The following LRFN5 variants were observed in gnomAD, a reference collection of about 807,000 sequenced individuals.
LRFN5 encodes leucine rich repeat and fibronectin type III domain containing 5.
A neutral mutation model predicts 45.6 loss-of-function variants in LRFN5; 24 were observed. The ratio of observed to expected loss-of-function variants is 0.53; its 90% CI spans 0.38 to 0.74. The LOEUF (loss-of-function observed/expected upper bound fraction) is 0.74. LRFN5 is among the 30% of genes least tolerant of loss of function. The pLI is 0.00. For missense variants in LRFN5, 776 were observed against 861.5 expected (o/e 0.90, Z 1.24); for synonymous variants, 340 against 313.8 (o/e 1.08, Z -0.88).
chr14:41,880,606 A>T (rs1890346207), intron 2 of LRFN5, among the ~76,000 whole-genome samples: 1 of 152,140 alleles, frequency 6.6e-6, no homozygotes, highest in East Asian at 1.9e-4. Context: ...TATTTATTGA[A>T]GTTGCATTTT....
intron 1 of LRFN5, among the ~76,000 whole-genome samples, chr14:41,633,757 T>A (rs541610334): frequency 6.6e-6 from 1 of 152,102 alleles, no homozygotes; most frequent in Non-Finnish European, 1.5e-5. Flanking sequence ...AGTTAGAAAA[T>A]TTTAAAAAAC....
At chr14:41,625,982 G>A (rs1290735968) in intron 1 of LRFN5, among the ~76,000 whole-genome samples, 2 of 152,070 alleles carry the variant, frequency 1.3e-5, no homozygotes, top group African/African-American at 2.4e-5. Context: ...AGAAACATAC[G>A]TAGACACACA....
At chr14:41,652,179 T>C (rs909029610) in intron 1 of LRFN5, among the ~76,000 whole-genome samples, 1 of 152,090 alleles carries the variant, frequency 6.6e-6, no homozygotes, top group Non-Finnish European at 1.5e-5. Context: ...TTTTAATATA[T>C]TCAATTAAAT....
rs1890429900 is a variant in LRFN5 at position 41,882,851 on chromosome 14, T to TTC, written c.-20-3754_-20-3753insCT. 2.7e-5 allele frequency among the ~76,000 whole-genome samples: 4 copies of TTC among 146,248 alleles called. No homozygotes were observed. The Admixed American group carries it at 2.7e-4, about 10-fold the overall frequency. On this transcript the variant is annotated intron_variant, in intron 2 of 5. Coordinates refer to ENST00000298119, the MANE Select transcript of LRFN5 (RefSeq NM_152447.5). Reference sequence around the variant, plus strand: ...GCAACAGCTATGTATTTCCTCTTTTTTTTTTTTTTTTTTTTGAGATGGATT... The same window carrying TTC: ...GCAACAGCTATGTATTTCCTCTTTTTTCTTTTTTTTTTTTTTTGAGATGGATT...
At chr14:41,823,022 A>G (rs1220120842) in intron 2 of LRFN5, among the ~76,000 whole-genome samples, 1 of 151,752 alleles carries the variant, frequency 6.6e-6, no homozygotes, top group Non-Finnish European at 1.5e-5. Context: ...CCGAGTCTAT[A>G]AGTGTCATTA....
chr14:41,741,399 A>T (rs1439534759), intron 1 of LRFN5, among the ~76,000 whole-genome samples: 2 of 151,776 alleles, frequency 1.3e-5, no homozygotes, highest in Non-Finnish European at 2.9e-5. Flanking sequence ...AGCAAACCTG[A>T]CTATTTAAGG....
chr14:41,858,778 AT>A (rs1889561486), intron 2 of LRFN5, among the ~76,000 whole-genome samples: 1 of 152,158 alleles, frequency 6.6e-6, no homozygotes, highest in Admixed American at 6.5e-5. Context: ...CACAAAAAAA[AT>A]CATGATTAAC....
At chr14:41,815,260 C>A (rs1433268049) in intron 2 of LRFN5, among the ~76,000 whole-genome samples, 2 of 152,110 alleles carry the variant, frequency 1.3e-5, no homozygotes, top group Non-Finnish European at 2.9e-5. Context: ...TTATATTTTT[C>A]ATGGAGAATT....
intron 1 of LRFN5, among the ~76,000 whole-genome samples, chr14:41,711,949 T>C (rs1883302235): frequency 6.6e-6 from 1 of 152,148 alleles, no homozygotes; most frequent in Non-Finnish European, 1.5e-5. Flanking sequence ...AAAATTGCCA[T>C]GAGGATTAGG....
chr14:41,658,099 T>C (rs961062932), intron 1 of LRFN5, among the ~76,000 whole-genome samples: 5 of 152,024 alleles, frequency 3.3e-5, no homozygotes, highest in Admixed American at 2.6e-4. Context: ...ATATGATTTT[T>C]TTGAAGGTCA....
At chr14:41,627,684 C>T (rs949054456) in intron 1 of LRFN5, among the ~76,000 whole-genome samples, 7 of 152,064 alleles carry the variant, frequency 4.6e-5, no homozygotes, top group Non-Finnish European at 1.0e-4. Context: ...ATATAGATAT[C>T]TCTATGTTAA....
intron 2 of LRFN5, among the ~76,000 whole-genome samples, chr14:41,825,399 G>A (rs1888260197): frequency 6.6e-6 from 1 of 152,224 alleles, no homozygotes; most frequent in South Asian, 2.1e-4. Flanking sequence ...TCATGTCTCT[G>A]CTGGAAGGAG....
intron 1 of LRFN5, among the ~76,000 whole-genome samples, chr14:41,651,197 A>T (rs1880109401): frequency 6.6e-6 from 1 of 152,256 alleles, no homozygotes; most frequent in Admixed American, 6.5e-5. Context: ...CAGCACTCTC[A>T]TGGATTTTTA....
intron 1 of LRFN5, among the ~76,000 whole-genome samples, chr14:41,616,652 T>C (rs1887934278): frequency 6.6e-6 from 1 of 152,182 alleles, no homozygotes; most frequent in Non-Finnish European, 1.5e-5. Context: ...TAAACTTACT[T>C]GACTAAGTAT....
At chr14:41,814,910 G>T (rs999476562) in intron 2 of LRFN5, among the ~76,000 whole-genome samples, 1 of 152,030 alleles carries the variant, frequency 6.6e-6, no homozygotes, top group African/African-American at 2.4e-5. Flanking sequence ...AGTATTGCTG[G>T]TTAAGAGAGG....
chr14:41,692,584 G>A (rs1882427455), intron 1 of LRFN5, among the ~76,000 whole-genome samples: 1 of 152,064 alleles, frequency 6.6e-6, no homozygotes, highest in South Asian at 2.1e-4. Context: ...CACCACAACA[G>A]GCCCCAGTGT....
chr14:41,805,852 G>T (rs1887508317), intron 2 of LRFN5, among the ~76,000 whole-genome samples: 1 of 152,090 alleles, frequency 6.6e-6, no homozygotes, highest in Admixed American at 6.6e-5. Context: ...TTTCTTTTTG[G>T]TTGTTGCACA....
intron 2 of LRFN5, among the ~76,000 whole-genome samples, chr14:41,873,485 C>T (rs1251718758): frequency 1.3e-5 from 2 of 151,340 alleles, no homozygotes. Flanking sequence ...ATAAAATCTT[C>T]CATATGGTGT....
At chr14:41,714,243 T>G (rs994598927) in intron 1 of LRFN5, among the ~76,000 whole-genome samples, 20 of 152,082 alleles carry the variant, frequency 1.3e-4, no homozygotes, top group African/African-American at 4.8e-4. Context: ...TCCTCTTTAG[T>G]TGATATTTAG....
Sources: gnomAD v4.1 joint callset for allele counts (sites outside exome capture counted in the v4.1 genomes callset) on GRCh38, gnomAD v4.1.1 for gene constraint, MANE v1.5 for transcripts, NCBI Gene and HGNC (gene_info 2026-07-23, HGNC 2026-07-21) for gene names.